The following NRG3 variants were observed in gnomAD, a reference collection of about 807,000 sequenced individuals.
The protein encoded by NRG3 is pro-neuregulin-3, membrane-bound isoform.
A neutral mutation model predicts 66.9 loss-of-function variants in NRG3; 31 were observed. That is an observed-to-expected ratio of 0.46 (90% CI 0.35 to 0.63). The LOEUF (loss-of-function observed/expected upper bound fraction) is 0.63, where lower values mean the gene tolerates loss of function less well. Among genes scored for constraint, NRG3 ranks in the 20% least tolerant of loss-of-function variants. The pLI is 0.00. For missense variants in NRG3, 910 were observed against 878.9 expected (o/e 1.04, Z -0.45); for synonymous variants, 393 against 359.4 (o/e 1.09, Z -1.06).
chr10:81,913,571 G>A lies in NRG3; in HGVS notation c.823+37408G>A, dbSNP rs150690442. On this transcript the variant is annotated intron_variant, in intron 1 of 8. Transcript: ENST00000372141. ...CCCAAGTAGCTGGGATTACAAGCAC[G>A]CACCATCAGGCCCAGCTAATTTTTG... is the stretch of plus-strand genomic sequence containing the variant. Among the ~76,000 whole-genome samples the A allele has an allele frequency of 6.7e-3, 1,018 of 151,974 alleles. 6 individuals are homozygous for A. The highest frequency in any genetic ancestry group is 0.01 in the Non-Finnish European group (705 of 67,962).
rs1443900672 is a variant in NRG3, at chr10:82,862,554, T to C, written c.1028-2857T>C. On this transcript the variant is annotated intron_variant, in intron 3 of 8. Transcript: ENST00000372141. Reference sequence around the variant, plus strand: ...TGACCTCACCAGTATTTTATGAATATGTCTGTACAGTTTCCGTAAAGGAAA... The same window carrying C: ...TGACCTCACCAGTATTTTATGAATACGTCTGTACAGTTTCCGTAAAGGAAA... Among the ~76,000 whole-genome samples the C allele has an allele frequency of 3.9e-5, 6 of 152,188 alleles. No individual in the cohort carries two copies. In the East Asian group the frequency reaches 1.2e-3, roughly 29 times the overall value.
At chr10:82,410,216 G>A (rs1388526854) in intron 2 of NRG3, among the ~76,000 whole-genome samples, 1 of 152,064 alleles carries the variant, frequency 6.6e-6, no homozygotes, top group East Asian at 1.9e-4. Flanking sequence ...CTATGGCTGG[G>A]CGTGGTGGCT....
chr10:82,375,398 G>C (rs553334526), intron 2 of NRG3, among the ~76,000 whole-genome samples: 1 of 152,012 alleles, frequency 6.6e-6, no homozygotes, highest in Non-Finnish European at 1.5e-5. Flanking sequence ...TTAACCGGGC[G>C]TGGTGGCAGG....
Position 82,879,958 on chromosome 10 carries a change from C to CTTT in NRG3, c.1054+14542_1054+14544dup, listed in dbSNP as rs35159008. 2.6e-3 allele frequency among the ~76,000 whole-genome samples: 203 copies of CTTT among 78,406 alleles called. 1 individual carries two copies. The highest frequency in any genetic ancestry group is 4.9e-3 in the African/African-American group (90 of 18,444). 51.4% of individuals were successfully genotyped at this position (78,406 alleles called of 152,430 possible). On this transcript the variant is annotated intron_variant, in intron 4 of 8. Transcript: ENST00000372141. ...CACTCTTCTAAGAAGGATTTCATCC[C>CTTT]TTTTTTTTTTTTTTTTTTTTTTTGC...
intron 2 of NRG3, among the ~76,000 whole-genome samples, chr10:82,665,205 C>T (rs2052670941): frequency 6.6e-6 from 1 of 152,250 alleles, no homozygotes; most frequent in Admixed American, 6.5e-5. Flanking sequence ...CCTTCTGTTC[C>T]TCATGTTCTG....
At chr10:81,952,440 G>A (rs140166267) in intron 1 of NRG3, among the ~76,000 whole-genome samples, 27 of 151,796 alleles carry the variant, frequency 1.8e-4, no homozygotes, top group Non-Finnish European at 4.0e-4. Context: ...GCGGCAGGGG[G>A]GTGCGGAGAG....
chr10:82,524,528 A>G (rs1846500215), intron 2 of NRG3, among the ~76,000 whole-genome samples: 1 of 151,908 alleles, frequency 6.6e-6, no homozygotes, highest in African/African-American at 2.4e-5. Flanking sequence ...AGGCCTAGGC[A>G]TTGTATTAGA....
chr10:82,052,116 C>A (rs2063626152), intron 1 of NRG3, among the ~76,000 whole-genome samples: 1 of 150,960 alleles, frequency 6.6e-6, no homozygotes, highest in African/African-American at 2.4e-5. Flanking sequence ...TCCTCATAAG[C>A]AATGTGCAAG....
intron 3 of NRG3, among the ~76,000 whole-genome samples, chr10:82,818,602 G>A (rs1305700400): frequency 1.3e-5 from 2 of 152,140 alleles, no homozygotes; most frequent in African/African-American, 4.8e-5. Flanking sequence ...ATGTTGTCCT[G>A]TCTAGCGGAG....
rs371584375 is a variant in NRG3, at chr10:81,980,192, G to A, written c.823+104029G>A. 2.1e-4 allele frequency among the ~76,000 whole-genome samples: 32 copies of A among 152,100 alleles called. 1 individual carries two copies. Among genetic ancestry groups the A allele is most frequent in the African/African-American group, 7.0e-4 (29 of 41,492 alleles). ...ATTCAAGCTTCTTTGTACTTTGTAG[G>A]AGTTGGAGATTTTTTTTTTTTTGGT... On this transcript the variant is annotated intron_variant, in intron 1 of 8. Transcript: ENST00000372141.
chr10:82,064,823 T>C (rs2064362134), intron 1 of NRG3, among the ~76,000 whole-genome samples: 3 of 152,156 alleles, frequency 2.0e-5, no homozygotes, highest in Admixed American at 1.3e-4. Flanking sequence ...AATTTGGAGA[T>C]AGCAAGAACC....
intron 2 of NRG3, among the ~76,000 whole-genome samples, chr10:82,512,776 A>G (rs1332032173): frequency 6.6e-6 from 1 of 151,952 alleles, no homozygotes; most frequent in Non-Finnish European, 1.5e-5. Context: ...ATTTAATTTT[A>G]TAGTTTTGTG....
intron 2 of NRG3, among the ~76,000 whole-genome samples, chr10:82,605,831 G>A (rs568819399): frequency 1.3e-5 from 2 of 151,886 alleles, no homozygotes; most frequent in Non-Finnish European, 2.9e-5. Flanking sequence ...CCTTCTGTGA[G>A]TTTTGACATA....
intron 1 of NRG3, among the ~76,000 whole-genome samples, chr10:81,911,779 A>T (rs73319160): frequency 0.019 from 2,865 of 151,712 alleles, 79 homozygotes; most frequent in African/African-American, 0.063. Context: ...ACAGCAAAAA[A>T]CCCAAATTAT....
chr10:82,407,341 C>A (rs1419246560), intron 2 of NRG3, among the ~76,000 whole-genome samples: 2 of 151,900 alleles, frequency 1.3e-5, no homozygotes, highest in Non-Finnish European at 2.9e-5. Context: ...AATATGTAAA[C>A]CATGGGTGGG....
chr10:82,595,877 G>T (rs945935980), intron 2 of NRG3, among the ~76,000 whole-genome samples: 8 of 152,058 alleles, frequency 5.3e-5, no homozygotes, highest in Non-Finnish European at 8.8e-5. Context: ...TCATTTAACT[G>T]CTATTAGACT....
intron 1 of NRG3, among the ~76,000 whole-genome samples, chr10:82,084,078 A>T (rs1288103875): frequency 6.6e-6 from 1 of 151,620 alleles, no homozygotes; most frequent in Non-Finnish European, 1.5e-5. Flanking sequence ...AAATACAAAA[A>T]TTAGCTGGGT....
intron 6 of NRG3, among the ~76,000 whole-genome samples, chr10:82,965,252 T>C (rs930271733): frequency 2.6e-5 from 4 of 152,190 alleles, no homozygotes; most frequent in African/African-American, 9.7e-5. Flanking sequence ...AGTCAGGATC[T>C]GTGTCAAGGA....
At chr10:81,996,487 G>C (rs146646715) in intron 1 of NRG3, among the ~76,000 whole-genome samples, 26 of 152,212 alleles carry the variant, frequency 1.7e-4, no homozygotes, top group Non-Finnish European at 1.8e-4. Context: ...TGATATAATG[G>C]TGCAGGACTA....
Sources: gnomAD v4.1 joint callset for allele counts (sites outside exome capture counted in the v4.1 genomes callset) on GRCh38, gnomAD v4.1.1 for gene constraint, MANE v1.5 for transcripts, NCBI Gene and HGNC (gene_info 2026-07-23, HGNC 2026-07-21) for gene names.